The following OSBPL1A variants were observed in gnomAD, a reference collection of about 807,000 sequenced individuals.
OSBPL1A encodes the protein oxysterol binding protein like 1A.
OSBPL1A carries 80 observed loss-of-function variants against 137.1 expected under a neutral mutation model. That is an observed-to-expected ratio of 0.58 (90% CI 0.49 to 0.70). The LOEUF is 0.70. Among genes scored for constraint, OSBPL1A ranks in the 30% least tolerant of loss-of-function variants. The pLI, the probability that OSBPL1A is intolerant of heterozygous loss-of-function variation, is 0.00. For synonymous variants in OSBPL1A, 365 were observed against 389.7 expected (o/e 0.94, Z 0.75); for missense variants, 970 against 1,129.4 (o/e 0.86, Z 2.02).
chr18:24,389,219 GT>G (rs1348684695), intron 1 of OSBPL1A, among the ~76,000 whole-genome samples: 1 of 152,038 alleles, frequency 6.6e-6, no homozygotes, highest in Non-Finnish European at 1.5e-5. Flanking sequence ...TCCAAGCTCT[GT>G]TTTTAGATTA....
chr18:24,303,789 T>C (rs990629605), intron 13 of OSBPL1A, 71 bp from the exon 14 acceptor site: 3 of 1,322,214 alleles, frequency 2.3e-6, no homozygotes, highest in South Asian at 2.4e-5. Context: ...CTTTAGTGTT[T>C]CTATCAAAAC....
At chr18:24,169,472 A>G (rs2086222964) in intron 24 of OSBPL1A, among the ~76,000 whole-genome samples, 1 of 152,244 alleles carries the variant, frequency 6.6e-6, no homozygotes. Context: ...TGACTTTATC[A>G]GTCTTTACTA....
At chr18:24,163,510 C>T (rs2086069164) in intron 27 of OSBPL1A, among the ~76,000 whole-genome samples, 1 of 152,154 alleles carries the variant, frequency 6.6e-6, no homozygotes, top group Non-Finnish European at 1.5e-5. Flanking sequence ...ATGGATTTCC[C>T]ACCAGGATCT....
chr18:24,346,386 TAG>T (rs1217613089), intron 4 of OSBPL1A, among the ~76,000 whole-genome samples: 2 of 152,204 alleles, frequency 1.3e-5, no homozygotes, highest in African/African-American at 4.8e-5. Flanking sequence ...AGTATATTCA[TAG>T]AGTTGTACAT....
intron 17 of OSBPL1A, among the ~76,000 whole-genome samples, chr18:24,199,581 C>A (rs566975970): frequency 6.6e-6 from 1 of 152,316 alleles, no homozygotes; most frequent in Admixed American, 6.5e-5. Flanking sequence ...CTAGCACCAA[C>A]TGGGAGTTTA....
intron 2 of OSBPL1A, 164 bp from the exon 3 acceptor site, chr18:24,368,536 G>C: frequency 1.7e-6 from 1 of 582,096 alleles, no homozygotes; most frequent in Non-Finnish European, 3.1e-6. Flanking sequence ...TGTAAAGGAC[G>C]AGAACTCACA....
At chr18:24,288,836 C>T (rs905242107) in intron 14 of OSBPL1A, among the ~76,000 whole-genome samples, 4 of 151,142 alleles carry the variant, frequency 2.6e-5, no homozygotes, top group African/African-American at 9.7e-5. Flanking sequence ...GGAAAGATGG[C>T]TATGGCCTAT....
intron 18 of OSBPL1A, 137 bp from the exon 19 acceptor site, chr18:24,181,416 A>C: frequency 1.1e-6 from 1 of 929,834 alleles, no homozygotes; most frequent in Non-Finnish European, 1.6e-6. Context: ...TATTGGTTCA[A>C]TTTCACAAAT....
intron 17 of OSBPL1A, among the ~76,000 whole-genome samples, chr18:24,206,383 G>C (rs1175285730): frequency 2.0e-5 from 3 of 152,212 alleles, no homozygotes; most frequent in Non-Finnish European, 4.4e-5. Context: ...AGCAACTCAG[G>C]AGGGACTCTG....
At chr18:24,340,119 ATCT>A (rs1297897069) in intron 5 of OSBPL1A, among the ~76,000 whole-genome samples, 14 of 152,348 alleles carry the variant, frequency 9.2e-5, no homozygotes, top group African/African-American at 3.4e-4. Context: ...AAAATTAAAG[ATCT>A]TCTCTTCTCA....
intron 17 of OSBPL1A, among the ~76,000 whole-genome samples, chr18:24,200,435 G>A (rs990862904): frequency 6.6e-6 from 1 of 151,942 alleles, no homozygotes; most frequent in Non-Finnish European, 1.5e-5. Flanking sequence ...AGTGGTGGGT[G>A]CCTGTAATCC....
chr18:24,301,284 T>A (rs2090395787), intron 14 of OSBPL1A: 1 of 152,356 alleles, frequency 6.6e-6, no homozygotes, highest in East Asian at 1.9e-4. Context: ...CTAATACAGA[T>A]ATACATACCA....
At chr18:24,197,073 T>TCAAGCA (rs2087056541) in intron 17 of OSBPL1A, among the ~76,000 whole-genome samples, 2 of 152,086 alleles carry the variant, frequency 1.3e-5, no homozygotes, top group African/African-American at 2.4e-5. Flanking sequence ...GCTGGCCGGG[T>TCAAGCA]GTGGTGGTTC....
At chr18:24,179,677 T>G (rs1599444488) in intron 20 of OSBPL1A, 61 bp downstream of exon 20, 2 of 1,343,960 alleles carry the variant, frequency 1.5e-6, no homozygotes, top group South Asian at 2.4e-5. Context: ...ATGACCAATA[T>G]GTATGTATTT....
intron 1 of OSBPL1A, among the ~76,000 whole-genome samples, chr18:24,395,995 C>T (rs1054449133): frequency 6.7e-6 from 1 of 149,892 alleles, no homozygotes; most frequent in African/African-American, 2.4e-5. Context: ...CCGAGGCAGG[C>T]GGATCATAAG....
intron 21 of OSBPL1A, among the ~76,000 whole-genome samples, chr18:24,176,023 A>G (rs1439393673): frequency 6.6e-6 from 1 of 152,232 alleles, no homozygotes; most frequent in African/African-American, 2.4e-5. Context: ...TTTGGCCACC[A>G]CCACACTGTC....
intron 7 of OSBPL1A, 132 bp from the exon 8 acceptor site, chr18:24,318,941 C>T (rs570145527): frequency 3.4e-5 from 26 of 771,706 alleles, no homozygotes; most frequent in Non-Finnish European, 5.1e-5. Flanking sequence ...AGAAAATTAC[C>T]TACCAGAGAG....
At chr18:24,228,123 AC>A (rs2088148000) in intron 16 of OSBPL1A, among the ~76,000 whole-genome samples, 1 of 152,138 alleles carries the variant, frequency 6.6e-6, no homozygotes, top group African/African-American at 2.4e-5. Context: ...CATCAGTCAC[AC>A]TGAGAACCCC....
intron 17 of OSBPL1A, among the ~76,000 whole-genome samples, chr18:24,224,644 C>T (rs1448666778): frequency 6.6e-6 from 1 of 152,196 alleles, no homozygotes. Flanking sequence ...GGCAACATTG[C>T]CACTCATTCT....
Sources: gnomAD v4.1 joint callset for allele counts (sites outside exome capture counted in the v4.1 genomes callset) on GRCh38, gnomAD v4.1.1 for gene constraint, MANE v1.5 for transcripts, NCBI Gene and HGNC (gene_info 2026-07-23, HGNC 2026-07-21) for gene names.